HCN1: variants seen among roughly 807,000 people sequenced by gnomAD.
HCN1 encodes the protein potassium/sodium hyperpolarization-activated cyclic nucleotide-gated channel 1.
Under a neutral mutation model 78.9 loss-of-function variants are expected in HCN1, and 13 were observed. That is an observed-to-expected ratio of 0.16 (90% confidence interval 0.11 to 0.26). HCN1 has a LOEUF of 0.26. Among genes scored for constraint, HCN1 ranks in the 10% least tolerant of loss-of-function variants. The pLI is 1.00. For synonymous variants in HCN1, 552 were observed against 455.5 expected (o/e 1.21, Z -2.70); for missense variants, 810 against 1,154.3 (o/e 0.70, Z 4.32).
chr5:45,267,650 C>T (rs1293409290), intron 6 of HCN1, among the ~76,000 whole-genome samples: 1 of 152,128 alleles, frequency 6.6e-6, no homozygotes, highest in South Asian at 2.1e-4. Context: ...CGCCTGTAGT[C>T]CCAGCTACTC....
At chr5:45,317,444 C>A (rs552914266) in intron 5 of HCN1, among the ~76,000 whole-genome samples, 11 of 152,242 alleles carry the variant, frequency 7.2e-5, no homozygotes, top group African/African-American at 1.4e-4. Flanking sequence ...AATGTTAGAC[C>A]TAAAACCATA....
At chr5:45,432,631 T>A (rs911894731) in intron 3 of HCN1, among the ~76,000 whole-genome samples, 1 of 152,188 alleles carries the variant, frequency 6.6e-6, no homozygotes, top group African/African-American at 2.4e-5. Context: ...TTGTCATAGA[T>A]GGCTCCTACT....
At chr5:45,477,289 A>G (rs1741540863) in intron 2 of HCN1, among the ~76,000 whole-genome samples, 2 of 152,192 alleles carry the variant, frequency 1.3e-5, no homozygotes, top group African/African-American at 4.8e-5. Flanking sequence ...AGAGACTAAC[A>G]CATTGTTCAG....
In HCN1 at chr5:45,455,781, A is replaced by C. The variant is rs1054181177; in HGVS notation, c.1011+6065T>G. Among the ~76,000 whole-genome samples, 6 of 149,862 alleles carry C rather than the reference A, an allele frequency of 4.0e-5. No homozygotes were observed. The South Asian group carries it at 1.2e-3, about 31-fold the overall frequency. On this transcript the variant is annotated intron_variant, in intron 3 of 7. Coordinates refer to ENST00000303230, the MANE Select transcript of HCN1 (RefSeq NM_021072.4). The stretch of plus-strand genomic sequence containing the variant: ...AACTCAAAAAAAAAAAAAAAAAAAA[A>C]AGGGTTGAGGGCATTATAGCAGCTT...
intron 3 of HCN1, among the ~76,000 whole-genome samples, chr5:45,443,268 A>C (rs1306073825): frequency 1.3e-5 from 2 of 152,116 alleles, no homozygotes; most frequent in East Asian, 3.8e-4. Flanking sequence ...ATTTTGGCTA[A>C]CATAAATTTT....
At chr5:45,620,292 A>T (rs1358923080) in intron 2 of HCN1, among the ~76,000 whole-genome samples, 1 of 152,058 alleles carries the variant, frequency 6.6e-6, no homozygotes, top group Non-Finnish European at 1.5e-5. Flanking sequence ...GGTGAAATAT[A>T]AACTCTGTAG....
chr5:45,593,755 A>C (rs1579989262), intron 2 of HCN1, among the ~76,000 whole-genome samples: 1 of 151,764 alleles, frequency 6.6e-6, no homozygotes, highest in African/African-American at 2.4e-5. Flanking sequence ...GCTCACTGCA[A>C]CTTCCACCTC....
At chr5:45,434,185 T>A (rs1268133714) in intron 3 of HCN1, among the ~76,000 whole-genome samples, 1 of 152,236 alleles carries the variant, frequency 6.6e-6, no homozygotes. Flanking sequence ...AGACTTAATA[T>A]CTGAGTCTTC....
At chr5:45,384,566 C>T (rs1747876453) in intron 4 of HCN1, among the ~76,000 whole-genome samples, 1 of 152,076 alleles carries the variant, frequency 6.6e-6, no homozygotes, top group African/African-American at 2.4e-5. Flanking sequence ...GGTGATCAAA[C>T]AGGGAAGAAT....
In HCN1 at chr5:45,631,882, G is replaced by T. The variant is rs1195779063; in HGVS notation, c.849+13303C>A. Among the ~76,000 whole-genome samples the T allele has an allele frequency of 2.6e-5, 4 of 152,216 alleles. No homozygotes were observed. The East Asian group carries it at 5.8e-4, about 22-fold the overall frequency. ...TTTAAGTTGTAGTTCTTAAGCTGAAGCATTTGCTTTTCATGTCAAATAATA... is the reference window on the plus strand; with the variant it reads ...TTTAAGTTGTAGTTCTTAAGCTGAATCATTTGCTTTTCATGTCAAATAATA... On this transcript the variant is annotated intron_variant, in intron 2 of 7. Coordinates refer to ENST00000303230, the MANE Select transcript of HCN1 (RefSeq NM_021072.4).
At chr5:45,436,604 G>A (rs1740564302) in intron 3 of HCN1, among the ~76,000 whole-genome samples, 1 of 152,164 alleles carries the variant, frequency 6.6e-6, no homozygotes, top group African/African-American at 2.4e-5. Context: ...GCTATGGCAA[G>A]TAGTATATAT....
At chr5:45,374,791 T>C (rs1384636171) in intron 4 of HCN1, among the ~76,000 whole-genome samples, 1 of 147,738 alleles carries the variant, frequency 6.8e-6, no homozygotes, top group Non-Finnish European at 1.5e-5. Flanking sequence ...TATGTGTGTA[T>C]ATATATATAT....
intron 2 of HCN1, among the ~76,000 whole-genome samples, chr5:45,552,609 C>T (rs1743390729): frequency 1.3e-5 from 2 of 151,956 alleles, no homozygotes; most frequent in South Asian, 4.1e-4. Flanking sequence ...GGAAATGTAA[C>T]ATCTGAAAGA....
Position 45,696,206 on chromosome 5 carries a change from T to G in HCN1, c.-113A>C, listed in dbSNP as rs900370125. ...CGAGCCGGCTGCCGGCGAGCCCAGCTGCCCGTCGCGGCGGCGGCGGCGGCG... is the reference window on the plus strand; with the variant it reads ...CGAGCCGGCTGCCGGCGAGCCCAGCGGCCCGTCGCGGCGGCGGCGGCGGCG... On this transcript the variant is annotated 5_prime_UTR_variant, in exon 1 of 8. Coordinates refer to ENST00000303230, the MANE Select transcript of HCN1 (RefSeq NM_021072.4). 6.3e-5 allele frequency: 28 copies of G among 443,746 alleles called. No individual in the cohort carries two copies. The highest frequency in any genetic ancestry group is 7.6e-5 in the Non-Finnish European group (25 of 327,018). The allele number at this position is 443,746 out of a possible 1,614,324, so 27.5% of individuals were successfully genotyped here.
chr5:45,324,226 G>A (rs1296042407), intron 5 of HCN1, among the ~76,000 whole-genome samples: 1 of 151,800 alleles, frequency 6.6e-6, no homozygotes. Flanking sequence ...GCAACCTACA[G>A]AATGGGAGAA....
chr5:45,366,369 C>T (rs565847754), intron 4 of HCN1, among the ~76,000 whole-genome samples: 2 of 151,678 alleles, frequency 1.3e-5, no homozygotes, highest in Admixed American at 6.6e-5. Context: ...TTTCCACAGC[C>T]CCAACAAATT....
chr5:45,436,445 C>G (rs1740561646), intron 3 of HCN1, among the ~76,000 whole-genome samples: 1 of 152,028 alleles, frequency 6.6e-6, no homozygotes, highest in Non-Finnish European at 1.5e-5. Flanking sequence ...TAATTCAATC[C>G]ACTGAATTTT....
intron 1 of HCN1, among the ~76,000 whole-genome samples, chr5:45,679,166 G>A (rs1428874003): frequency 6.6e-6 from 1 of 152,006 alleles, no homozygotes; most frequent in Non-Finnish European, 1.5e-5. Flanking sequence ...CCAGGTCTCT[G>A]TGTTCAAATG....
At chr5:45,577,681 TAAAG>T (rs1475163781) in intron 2 of HCN1, among the ~76,000 whole-genome samples, 1 of 151,996 alleles carries the variant, frequency 6.6e-6, no homozygotes, top group East Asian at 1.9e-4. Context: ...AACAACTATA[TAAAG>T]AAATATATGC....
Sources: gnomAD v4.1 joint callset for allele counts (sites outside exome capture counted in the v4.1 genomes callset) on GRCh38, gnomAD v4.1.1 for gene constraint, MANE v1.5 for transcripts, NCBI Gene and HGNC (gene_info 2026-07-23, HGNC 2026-07-21) for gene names.